ZNF136: variants seen among roughly 807,000 people sequenced by gnomAD.
ZNF136 encodes zinc finger protein 136 (clone pHZ-20).
In ZNF136, 8 loss-of-function variants were observed where a neutral mutation model predicts 11.4. The ratio of observed to expected loss-of-function variants is 0.70; its 90% CI spans 0.41 to 1.27. The LOEUF (loss-of-function observed/expected upper bound fraction) is 1.27. Ranked by LOEUF, ZNF136 falls within the 50% of genes most tolerant of loss-of-function variation. The pLI, the probability that ZNF136 is intolerant of heterozygous loss-of-function variation, is 0.01. For missense variants in ZNF136, 590 were observed against 656.5 expected, an observed-to-expected ratio of 0.90 and a Z score of 1.11; for synonymous variants, 190 against 207.1, an observed-to-expected ratio of 0.92 and a Z score of 0.71.
intron 1 of ZNF136, among the ~76,000 whole-genome samples, chr19:12,183,898 G>A (rs1340849189): frequency 2.6e-5 from 4 of 152,136 alleles, no homozygotes; most frequent in South Asian, 2.1e-4. Context: ...CAGTTCACCC[G>A]GCCACTGATA....
intron 1 of ZNF136, among the ~76,000 whole-genome samples, chr19:12,178,564 C>T (rs138375604): frequency 1.4e-4 from 21 of 152,300 alleles, no homozygotes; most frequent in Non-Finnish European, 2.5e-4. Flanking sequence ...TAACTGGTTT[C>T]GAACAGCATG....
intron 1 of ZNF136, among the ~76,000 whole-genome samples, chr19:12,174,738 C>G (rs966917544): frequency 1.3e-5 from 2 of 151,800 alleles, no homozygotes; most frequent in Admixed American, 1.3e-4. Context: ...CAGGTCCACG[C>G]CATTCTCCTG....
At chr19:12,180,950 T>C (rs1228409806) in intron 1 of ZNF136, among the ~76,000 whole-genome samples, 2 of 152,218 alleles carry the variant, frequency 1.3e-5, no homozygotes, top group African/African-American at 4.8e-5. Context: ...GGGCGGAGCC[T>C]GAAGTTATAT....
At chr19:12,176,295 C>A (rs1914790634) in intron 1 of ZNF136, among the ~76,000 whole-genome samples, 1 of 151,968 alleles carries the variant, frequency 6.6e-6, no homozygotes, top group South Asian at 2.1e-4. Flanking sequence ...TTGTGTAAAA[C>A]CCCTGTGTGT....
intron 1 of ZNF136, among the ~76,000 whole-genome samples, chr19:12,177,470 T>A (rs1473637225): frequency 6.6e-6 from 1 of 152,180 alleles, no homozygotes; most frequent in African/African-American, 2.4e-5. Flanking sequence ...TGCCTCAGCC[T>A]CCTGAGTAGC....
rs141891195 is a variant in ZNF136 at position 12,168,837 on chromosome 19, G to A, written c.3+5631G>A. On this transcript the variant is annotated intron_variant, in intron 1 of 3. Coordinates refer to ENST00000343979, the MANE Select transcript of ZNF136 (RefSeq NM_003437.5). ...ATCACAAGTGCCTGCCACCAGGCCC[G>A]GCTAATTTTTTTGTATTTATAGTAG... Among the ~76,000 whole-genome samples, 80 of 152,012 alleles carry A rather than the reference G, an allele frequency of 5.3e-4. 2 individuals carry two copies. In the East Asian group the frequency reaches 0.012, roughly 22 times the overall value.
chr19:12,168,989 G>A (rs1354312397), intron 1 of ZNF136, among the ~76,000 whole-genome samples: 1 of 152,170 alleles, frequency 6.6e-6, no homozygotes, highest in Non-Finnish European at 1.5e-5. Context: ...GCAAACTTGT[G>A]TTTTTCTGAG....
At chr19:12,181,277 A>T (rs1318837579) in intron 1 of ZNF136, among the ~76,000 whole-genome samples, 1 of 152,062 alleles carries the variant, frequency 6.6e-6, no homozygotes, top group Non-Finnish European at 1.5e-5. Context: ...TCAGCATCCG[A>T]TTCTGTTTCA....
In ZNF136 at chr19:12,186,995, A is replaced by G. The variant is rs761697798; in HGVS notation, c.617A>G (p.Asp206Gly). The change falls in exon 4 of 4, where the codon GAT (aspartate) becomes GGT (glycine). Residue 206 changes from aspartate (D) to glycine (G), a missense_variant. Transcript: ENST00000343979. The stretch of plus-strand genomic sequence containing the variant: ...TGTAAGGTGTGTGGGAAAGCTTTTG[A>G]TTATCCCAGTAGATTTCGAACACAT... ...YKCKVCGKAFDYPSRFRTHER... is the reference protein window; with the variant it reads ...YKCKVCGKAFGYPSRFRTHER... The G allele has an allele frequency of 6.2e-7, 1 of 1,614,078 alleles. No individual in the cohort carries two copies. The highest frequency in any genetic ancestry group is 8.5e-7 in the Non-Finnish European group (1 of 1,180,006).
intron 1 of ZNF136, among the ~76,000 whole-genome samples, chr19:12,176,517 G>A (rs1279781166): frequency 2.6e-5 from 4 of 151,900 alleles, no homozygotes; most frequent in African/African-American, 9.7e-5. Flanking sequence ...AGTAGAGATG[G>A]GTTTTCACCA....
intron 1 of ZNF136, among the ~76,000 whole-genome samples, chr19:12,168,225 A>C (rs1599451683): frequency 6.6e-6 from 1 of 150,640 alleles, no homozygotes; most frequent in Admixed American, 6.6e-5. Flanking sequence ...GGCGCACACC[A>C]CCACGCCTGG....
In ZNF136 at chr19:12,186,808, C is replaced by G; in HGVS notation, c.430C>G (p.Gln144Glu). Residue 144 changes from glutamine (Q) to glutamate (E), a missense_variant, in exon 4 of 4, where the codon CAG becomes GAG. Physicochemically the swap from Gln to Glu is conservative, Grantham distance 29. Transcript: ENST00000343979. ...TGGAGAGAAGCCAGATACACGTAAC[C>G]AGTGTTGGAAACCCTTCAGTTCTCA... ...EYGEKPDTRN[Q>E]CWKPFSSHHS... 6.2e-7 allele frequency: 1 copy of G among 1,614,142 alleles called. No homozygotes were observed. Among genetic ancestry groups the G allele is most frequent in the Non-Finnish European group, 8.5e-7 (1 of 1,180,014 alleles).
In ZNF136 at chr19:12,164,439, C is replaced by CTTTTTT. The variant is rs61233117; in HGVS notation, c.3+1251_3+1256dup. 1.5e-4 allele frequency among the ~76,000 whole-genome samples: 19 copies of CTTTTTT among 122,850 alleles called. 1 individual carries two copies. The highest frequency in any genetic ancestry group is 5.1e-4 in the African/African-American group (16 of 31,238). The allele number at this position is 122,850 out of a possible 152,430, so 80.6% of individuals were successfully genotyped here. A position where few individuals can be genotyped will look rare whatever the true frequency, so the allele number is the denominator to read the frequency against. ...GTTTTGCGCCACCACTCCCAGATAACTTTTTTTTTTTTTTTTTTTTTTTGA... is the reference window on the plus strand; with the variant it reads ...GTTTTGCGCCACCACTCCCAGATAACTTTTTTTTTTTTTTTTTTTTTTTTTTTTTGA... On this transcript the variant is annotated intron_variant, in intron 1 of 3. Coordinates refer to ENST00000343979, the MANE Select transcript of ZNF136 (RefSeq NM_003437.5).
At chr19:12,181,555 G>A (rs1379968937) in intron 1 of ZNF136, among the ~76,000 whole-genome samples, 1 of 150,758 alleles carries the variant, frequency 6.6e-6, no homozygotes, top group Non-Finnish European at 1.5e-5. Context: ...TCACTGCAAT[G>A]TCCGCCTCCT....
intron 1 of ZNF136, among the ~76,000 whole-genome samples, chr19:12,170,634 G>A (rs1272057216): frequency 6.6e-6 from 1 of 151,356 alleles, no homozygotes; most frequent in Admixed American, 6.6e-5. Context: ...GGGATTATAG[G>A]CATGAGCCAC....
intron 1 of ZNF136, among the ~76,000 whole-genome samples, chr19:12,166,279 C>A (rs968342574): frequency 1.3e-5 from 2 of 151,606 alleles, no homozygotes; most frequent in Non-Finnish European, 2.9e-5. Context: ...TTCTTATTTT[C>A]TTTTATTCTT....
At chr19:12,176,895 G>A (rs57103104) in intron 1 of ZNF136, among the ~76,000 whole-genome samples, 84 of 152,250 alleles carry the variant, frequency 5.5e-4, no homozygotes, top group East Asian at 4.2e-3. Context: ...GTGTCTACCT[G>A]GGTATGGCCA....
intron 1 of ZNF136, among the ~76,000 whole-genome samples, chr19:12,170,221 C>T (rs1279190623): frequency 6.6e-6 from 1 of 152,130 alleles, no homozygotes; most frequent in East Asian, 1.9e-4. Context: ...AGCCACCGCG[C>T]CCGGCCTTTT....
chr19:12,169,097 T>C (rs372447874), intron 1 of ZNF136, among the ~76,000 whole-genome samples: 4 of 152,206 alleles, frequency 2.6e-5, no homozygotes, highest in East Asian at 1.9e-4. Context: ...TCCTCCCTGC[T>C]GTACCACCCT....
Sources: allele counts gnomAD v4.1 joint callset (sites outside exome capture counted in the v4.1 genomes callset), GRCh38; gene constraint gnomAD v4.1.1; transcripts MANE v1.5; gene names NCBI Gene and HGNC (gene_info 2026-07-23, HGNC 2026-07-21).